The following ZNF280A variants were observed in gnomAD, a reference collection of about 807,000 sequenced individuals.
ZNF280A encodes zinc finger protein 280A.
ZNF280A carries 26 observed loss-of-function variants against 35.9 expected under a neutral mutation model. That is an observed-to-expected ratio of 0.72 (90% CI 0.53 to 1.01). The LOEUF (loss-of-function observed/expected upper bound fraction) is 1.01. Ranked by LOEUF, ZNF280A falls within the 50% of genes least tolerant of loss-of-function variation. The probability of loss-of-function intolerance (pLI) is 0.00; values close to 1 mark genes in which losing one functional copy is unlikely to be tolerated. For synonymous variants in ZNF280A, 231 were observed against 232.9 expected (o/e 0.99, Z 0.07); for missense variants, 654 against 652.0 (o/e 1.00, Z -0.03).
intron 1 of ZNF280A, among the ~76,000 whole-genome samples, chr22:22,519,829 CA>C (rs1338877518): frequency 6.6e-6 from 1 of 151,910 alleles, no homozygotes; most frequent in Non-Finnish European, 1.5e-5. Context: ...AGGGCTGACT[CA>C]AGAGCTTATC....
chr22:22,516,578 C>T (rs2062074083), intron 1 of ZNF280A, among the ~76,000 whole-genome samples: 1 of 151,952 alleles, frequency 6.6e-6, no homozygotes, highest in Non-Finnish European at 1.5e-5. Context: ...CAGATCTCCC[C>T]ATGGTGGCCC....
rs1212166957 is a variant in ZNF280A, at chr22:22,515,580, C to G, written c.51G>C (p.Leu17Phe). The G allele has an allele frequency of 6.2e-7, 1 of 1,606,244 alleles. No homozygotes were observed. Among genetic ancestry groups the G allele is most frequent in the African/African-American group, 1.3e-5 (1 of 74,490 alleles). The stretch of plus-strand genomic sequence containing the variant: ...CCTCCTCCCTTTGTTTGGATTCTCT[C>G]AAATTCTTCTTTGGTGATTCCACTT... ...CKKVESPKKN[L>F]RESKQREEDD... The change falls in exon 2 of 2, where the codon TTG becomes TTC. Residue 17 changes from leucine (L) to phenylalanine (F), a missense_variant. Coordinates refer to ENST00000302097, the MANE Select transcript of ZNF280A (RefSeq NM_080740.5).
chr22:22,515,082 G>A lies in ZNF280A; in HGVS notation c.549C>T (p.Leu183=). ...INSRDSKRVK[L]RDGIPGVPSL... ...AAGGTACCCCTGGGATTCCATCCCTGAGTTTAACCCTTTTGGAATCTCTGC... is the reference window on the plus strand; with the variant it reads ...AAGGTACCCCTGGGATTCCATCCCTAAGTTTAACCCTTTTGGAATCTCTGC... Residue 183 remains leucine, a synonymous_variant, in exon 2 of 2, where the codon CTC becomes CTT. Coordinates refer to ENST00000302097, the MANE Select transcript of ZNF280A (RefSeq NM_080740.5). The A allele has an allele frequency of 6.2e-7, 1 of 1,613,914 alleles. No individual in the cohort carries two copies.
At position 22,515,220 on chromosome 22, in the gene ZNF280A, G is replaced by A; in HGVS notation, c.411C>T (p.Ser137=). The change falls in exon 2 of 2, where the codon TCC becomes TCT. Residue 137 remains serine (S), a synonymous_variant. Coordinates refer to ENST00000302097, the MANE Select transcript of ZNF280A (RefSeq NM_080740.5). ...MSSPQVVSPS[S]SDSLPPGTQC... ...GAGTCCCTGGGGGGAGCGAGTCTGAGGAACTGGGAGAAACAACTTGTGGTG... is the reference window on the plus strand; with the variant it reads ...GAGTCCCTGGGGGGAGCGAGTCTGAAGAACTGGGAGAAACAACTTGTGGTG... The A allele has an allele frequency of 6.2e-7, 1 of 1,613,858 alleles. No individual in the cohort carries two copies. The highest frequency in any genetic ancestry group is 8.5e-7 in the Non-Finnish European group (1 of 1,179,960).
In ZNF280A at chr22:22,514,005, G is replaced by C. The variant is rs762902093; in HGVS notation, c.1626C>G (p.Ser542Arg). 3 of 1,522,522 alleles carry C rather than the reference G, an allele frequency of 2.0e-6. No homozygotes were observed. The South Asian group carries it at 3.5e-5, about 18-fold the overall frequency. The allele number at this position is 1,522,522 out of a possible 1,614,324, so 94.3% of individuals were successfully genotyped here. Residue 542 changes from serine (S) to arginine (R), a missense_variant, in exon 2 of 2, where the codon AGC becomes AGG. By Grantham distance (110) the Ser-to-Arg change is moderately radical. Transcript: ENST00000302097. Reference sequence around the variant, plus strand: ...TGGAAGTCAGTCGAACATATTTTCAGCTAGAATCCTTGCTGCAAGGGAGTC... The same window carrying C: ...TGGAAGTCAGTCGAACATATTTTCACCTAGAATCCTTGCTGCAAGGGAGTC... ...DSRLPCSKDSS is the reference protein window; with the variant it reads ...DSRLPCSKDSR
intron 1 of ZNF280A, among the ~76,000 whole-genome samples, chr22:22,516,447 A>G (rs1172937723): frequency 6.6e-6 from 1 of 151,888 alleles, no homozygotes; most frequent in East Asian, 2.0e-4. Context: ...AGTCTGCTCT[A>G]TCTTTTAAAG....
Position 22,514,183 on chromosome 22 carries a change from A to C in ZNF280A, c.1448T>G (p.Leu483Arg). 1.2e-6 allele frequency: 2 copies of C among 1,613,818 alleles called. No individual in the cohort carries two copies. Among genetic ancestry groups the C allele is most frequent in the Non-Finnish European group, 1.7e-6 (2 of 1,179,956 alleles). The change falls in exon 2 of 2, where the codon CTG (leucine) becomes CGG (arginine). Residue 483 changes from leucine (L) to arginine (R), a missense_variant. Physicochemically the swap from Leu to Arg is moderately radical, Grantham distance 102. Transcript: ENST00000302097. ...TTTTGTTTCACTAGGCAACCCTTGC[A>C]GTTGCTCCGGCTTTTTAAATGTTTG... is the stretch of plus-strand genomic sequence containing the variant. ...DHQTFKKPEQ[L>R]QGLPSETKVI...
In ZNF280A at chr22:22,519,557, G is replaced by A. The variant is rs114680051; in HGVS notation, c.-72+532C>T. Among the ~76,000 whole-genome samples, 812 of 151,972 alleles carry A rather than the reference G, an allele frequency of 5.3e-3. 8 individuals are homozygous for A. Among genetic ancestry groups the A allele is most frequent in the African/African-American group, 0.019 (785 of 41,458 alleles). On this transcript the variant is annotated intron_variant, in intron 1 of 1. Transcript: ENST00000302097. ...CGATTTTGTTTTCTTTCCTTATTAT[G>A]TTAAAAACTTTCCCATTTTCACTTA... is the stretch of plus-strand genomic sequence containing the variant.
rs746904020 is a variant in ZNF280A at position 22,514,454 on chromosome 22, G to A, written c.1177C>T (p.Pro393Ser). Residue 393 changes from proline (P) to serine (S), a missense_variant, in exon 2 of 2, where the codon CCT becomes TCT. Transcript: ENST00000302097. ...MKDHHKPGEM[P>S]YVCQVCHYRS... ...TAATGGCAAACCTGGCACACATAAG[G>A]CATTTCGCCAGGCTTATGATGGTCC... 1 of 1,613,924 alleles carries A rather than the reference G, an allele frequency of 6.2e-7. No individual in the cohort carries two copies. Among genetic ancestry groups the A allele is most frequent in the South Asian group, 1.1e-5 (1 of 91,070 alleles).
Position 22,515,083 on chromosome 22 carries a change from A to C in ZNF280A, c.548T>G (p.Leu183Arg), listed in dbSNP as rs1453075645. Residue 183 changes from leucine to arginine, a missense_variant, in exon 2 of 2, where the codon CTC becomes CGC. Physicochemically the swap from Leu to Arg is moderately radical, Grantham distance 102 (BLOSUM62 -2). Coordinates refer to ENST00000302097, the MANE Select transcript of ZNF280A (RefSeq NM_080740.5). ...INSRDSKRVKLRDGIPGVPSL... is the reference protein window; with the variant it reads ...INSRDSKRVKRRDGIPGVPSL... Reference sequence around the variant, plus strand: ...AGGTACCCCTGGGATTCCATCCCTGAGTTTAACCCTTTTGGAATCTCTGCT... The same window carrying C: ...AGGTACCCCTGGGATTCCATCCCTGCGTTTAACCCTTTTGGAATCTCTGCT... The C allele has an allele frequency of 1.2e-6, 2 of 1,613,906 alleles. No homozygotes were observed. The highest frequency in any genetic ancestry group is 1.7e-6 in the Non-Finnish European group (2 of 1,179,982).
In ZNF280A at chr22:22,514,688, G is replaced by T. The variant is rs2062048286; in HGVS notation, c.943C>A (p.His315Asn). Reference protein sequence around the residue: ...KVLKNIKFMNHMKHHLEFEKQ... With the variant: ...KVLKNIKFMNNMKHHLEFEKQ... ...TCAAATTCCAAATGATGCTTCATGT[G>T]ATTCATAAACTTAATATTTTTTAGA... is the stretch of plus-strand genomic sequence containing the variant. Residue 315 changes from histidine (H) to asparagine (N), a missense_variant, in exon 2 of 2, where the codon CAC becomes AAC. By Grantham distance (68) the His-to-Asn change is moderately conservative. Coordinates refer to ENST00000302097, the MANE Select transcript of ZNF280A (RefSeq NM_080740.5). The T allele has an allele frequency of 4.3e-6, 7 of 1,613,944 alleles. No homozygotes were observed. The highest frequency in any genetic ancestry group is 5.9e-6 in the Non-Finnish European group (7 of 1,179,992).
chr22:22,514,579 C>T lies in ZNF280A; in HGVS notation c.1052G>A (p.Cys351Tyr). ...GGCGATGTGTACACTATCAATGTGA[C>T]ACTGTAGCTGGAAGGGAGTGGGAAA... The part of the protein sequence containing the change: ...RQFPTPFQLQ[C>Y]HIDSVHIAMG... The change falls in exon 2 of 2, where the codon TGT (cysteine) becomes TAT (tyrosine). Residue 351 changes from cysteine to tyrosine, a missense_variant. By Grantham distance (194) the Cys-to-Tyr change is radical. Coordinates refer to ENST00000302097, the MANE Select transcript of ZNF280A (RefSeq NM_080740.5). The T allele has an allele frequency of 6.2e-7, 1 of 1,613,912 alleles. No homozygotes were observed.
At chr22:22,517,660 A>G (rs1227065245) in intron 1 of ZNF280A, among the ~76,000 whole-genome samples, 1 of 151,922 alleles carries the variant, frequency 6.6e-6, no homozygotes, top group Non-Finnish European at 1.5e-5. Flanking sequence ...TTCCATTTTA[A>G]CATCTCTAAA....
At position 22,514,955 on chromosome 22, in the gene ZNF280A, A is replaced by G. The variant is rs777172616; in HGVS notation, c.676T>C (p.Phe226Leu). 15 of 1,613,798 alleles carry G rather than the reference A, an allele frequency of 9.3e-6. No homozygotes were observed. The highest frequency in any genetic ancestry group is 1.1e-5 in the Non-Finnish European group (13 of 1,179,988). Residue 226 changes from phenylalanine (F) to leucine (L), a missense_variant, in exon 2 of 2, where the codon TTT becomes CTT. Phe to Leu is a conservative substitution (Grantham distance 22). Transcript: ENST00000302097. ...TTTCCATTAGCATCAGGCCAAGGAA[A>G]TGTTACTCCATTCTGAACATGGTTT... ...SSNHVQNGVT[F>L]PWPDANGKAH... is the part of the protein sequence containing the mutation.
At chr22:22,519,295 G>T (rs361976) in intron 1 of ZNF280A, among the ~76,000 whole-genome samples, 55,155 of 151,206 alleles carry the variant, frequency 0.36, 12,163 homozygotes, top group African/African-American at 0.62. Flanking sequence ...TATCTGGGCA[G>T]AGTGGCGAGC....
At chr22:22,516,630 G>A (rs1601758474) in intron 1 of ZNF280A, among the ~76,000 whole-genome samples, 1 of 151,808 alleles carries the variant, frequency 6.6e-6, no homozygotes, top group Non-Finnish European at 1.5e-5. Flanking sequence ...AGTATATTTC[G>A]CTCTTAAGTC....
At chr22:22,518,845 A>G (rs1474382652) in intron 1 of ZNF280A, among the ~76,000 whole-genome samples, 2 of 151,764 alleles carry the variant, frequency 1.3e-5, no homozygotes, top group Non-Finnish European at 2.9e-5. Context: ...AACATTCAAA[A>G]TGTCAGTGTT....
At chr22:22,515,989 C>A (rs1009362816) in intron 1 of ZNF280A, among the ~76,000 whole-genome samples, 1 of 151,886 alleles carries the variant, frequency 6.6e-6, no homozygotes, top group Non-Finnish European at 1.5e-5. Flanking sequence ...TCACTCACCT[C>A]CTCCTCATCC....
intron 1 of ZNF280A, among the ~76,000 whole-genome samples, chr22:22,518,938 G>C (rs188550170): frequency 6.6e-6 from 1 of 151,904 alleles, no homozygotes; most frequent in Admixed American, 6.6e-5. Context: ...CTATGACACA[G>C]TTGAGTACAG....
Sources: allele counts gnomAD v4.1 joint callset (sites outside exome capture counted in the v4.1 genomes callset), GRCh38; gene constraint gnomAD v4.1.1; transcripts MANE v1.5; gene names NCBI Gene and HGNC (gene_info 2026-07-23, HGNC 2026-07-21).